Variants in TEX9 observed in about 807,000 individuals in gnomAD.
The protein encoded by TEX9 is testis expressed 9, also known as testis-expressed protein 9.
Under a neutral mutation model 59.6 loss-of-function variants are expected in TEX9, and 74 were observed. The ratio of observed to expected loss-of-function variants is 1.24; its 90% CI spans 1.03 to 1.51. The LOEUF (loss-of-function observed/expected upper bound fraction) is 1.51, where lower values mean the gene tolerates loss of function less well. TEX9 is among the 40% of genes most tolerant of loss of function. The probability of loss-of-function intolerance (pLI) is 0.00; values close to 1 mark genes in which losing one functional copy is unlikely to be tolerated. For missense variants in TEX9, 522 were observed against 447.8 expected (o/e 1.17, Z -1.49); for synonymous variants, 186 against 152.2 (o/e 1.22, Z -1.64).
chr15:56,411,357 A>C (rs1359008234), intron 9 of TEX9, among the ~76,000 whole-genome samples: 1 of 152,036 alleles, frequency 6.6e-6, no homozygotes, highest in Non-Finnish European at 1.5e-5. Flanking sequence ...TTTCAGTACC[A>C]CATAGCAGAT....
At chr15:56,452,541 C>CA in the TEX9 span, among the ~76,000 whole-genome samples, 1 of 145,318 alleles carries the variant, frequency 6.9e-6, no homozygotes, top group Non-Finnish European at 1.5e-5. Flanking sequence ...TTTTTTGAGA[C>CA]AGAGTCTCTC....
chr15:56,315,959 T>C lies in TEX9; in HGVS notation c.-106-57482T>C, dbSNP rs544402402. 2.9e-3 allele frequency among the ~76,000 whole-genome samples: 434 copies of C among 151,828 alleles called. 3 individuals are homozygous for C. The highest frequency in any genetic ancestry group is 0.01 in the African/African-American group (419 of 41,526). On this transcript the variant is annotated intron_variant, in intron 1 of 5. Coordinates refer to the TEX9 transcript ENST00000560827. The stretch of plus-strand genomic sequence containing the variant: ...TGATCGCGTCGGCTCCTGAGGCTTC[T>C]GCATTCTTCACGTAGCTCTCGAGCC...
intron 9 of TEX9, among the ~76,000 whole-genome samples, chr15:56,406,425 T>C (rs2049082618): frequency 6.6e-6 from 1 of 152,190 alleles, no homozygotes; most frequent in Non-Finnish European, 1.5e-5. Flanking sequence ...CATGTACAAG[T>C]ATTCTGTGTG....
intron 6 of TEX9, among the ~76,000 whole-genome samples, chr15:56,390,836 C>T (rs977045318): frequency 6.6e-5 from 10 of 152,014 alleles, no homozygotes; most frequent in Admixed American, 1.3e-4. Flanking sequence ...TCTCTAGAAG[C>T]GTGTAAATTT....
intron 9 of TEX9, among the ~76,000 whole-genome samples, chr15:56,400,260 C>G (rs1023016012): frequency 1.3e-5 from 2 of 152,102 alleles, no homozygotes; most frequent in African/African-American, 4.8e-5. Flanking sequence ...GAATGGCTAA[C>G]TAGAATAAAC....
intron 7 of TEX9, among the ~76,000 whole-genome samples, chr15:56,392,014 A>G (rs1462552144): frequency 6.6e-6 from 1 of 151,982 alleles, no homozygotes; most frequent in Non-Finnish European, 1.5e-5. Flanking sequence ...GGAGCCTCCT[A>G]TGCTATTGAA....
intron 1 of TEX9, among the ~76,000 whole-genome samples, chr15:56,324,620 G>C (rs1567086199): frequency 6.6e-6 from 1 of 152,138 alleles, no homozygotes; most frequent in Non-Finnish European, 1.5e-5. Context: ...CTGCATGAAC[G>C]GACAAAGTAT....
exon 9 of TEX9, chr15:56,394,762 A>G (rs781064641): frequency 6.2e-7 from 1 of 1,613,198 alleles, no homozygotes; most frequent in East Asian, 2.2e-5. Context: ...AAGTAGAAAA[A>G]TACAAAACTC....
intron 1 of TEX9, among the ~76,000 whole-genome samples, chr15:56,316,323 GT>G (rs1157946091): frequency 6.6e-6 from 1 of 152,022 alleles, no homozygotes; most frequent in Admixed American, 6.6e-5. Context: ...GTACAGATGG[GT>G]TTTTGGTGTG....
chr15:56,412,699 T>G (rs1286429266), intron 10 of TEX9, among the ~76,000 whole-genome samples: 2 of 152,190 alleles, frequency 1.3e-5, no homozygotes, highest in South Asian at 2.1e-4. Flanking sequence ...ATATTATATG[T>G]CAGACACTTT....
At chr15:56,303,007 A>G (rs1320442344) in intron 1 of TEX9, among the ~76,000 whole-genome samples, 1 of 152,334 alleles carries the variant, frequency 6.6e-6, no homozygotes, top group East Asian at 1.9e-4. Context: ...ACAACAGGAT[A>G]TAACAATTGT....
At chr15:56,391,345 G>T (rs376599048) in exon 7 of TEX9, 2 of 1,601,446 alleles carry the variant, frequency 1.2e-6, no homozygotes, top group South Asian at 2.3e-5. Flanking sequence ...AAATTGAAGG[G>T]CAACTGGAGG....
chr15:56,438,331 T>C (rs1463110281), intron 12 of TEX9, among the ~76,000 whole-genome samples: 1 of 151,604 alleles, frequency 6.6e-6, no homozygotes, highest in Non-Finnish European at 1.5e-5. Context: ...AACCATCTGC[T>C]CTTTTTTTTT....
chr15:56,456,624 C>G, the TEX9 span: 6 of 1,087,458 alleles, frequency 5.5e-6, no homozygotes, highest in Non-Finnish European at 6.7e-6. Context: ...TTAAGGCCAA[C>G]AATTGATGAT....
chr15:56,391,162 A>G (rs1239533791), intron 6 of TEX9, 81 bp from the exon 7 acceptor site: 2 of 816,704 alleles, frequency 2.4e-6, no homozygotes, highest in African/African-American at 3.6e-5. Flanking sequence ...TTTGGGTAAA[A>G]GGCATATATC....
At chr15:56,247,127 G>A (rs1405918954) in intron 1 of TEX9, among the ~76,000 whole-genome samples, 1 of 152,048 alleles carries the variant, frequency 6.6e-6, no homozygotes, top group African/African-American at 2.4e-5. Context: ...CCATTATATT[G>A]TCTTGCTCTC....
At chr15:56,339,397 A>ACAACAAAC (rs1555434466) in intron 1 of TEX9, among the ~76,000 whole-genome samples, 1 of 61,024 alleles carries the variant, frequency 1.6e-5, no homozygotes, top group Non-Finnish European at 4.7e-5. Flanking sequence ...AAAAAAAAAA[A>ACAACAAAC]AAAAAAAAAA....
chr15:56,276,802 A>G (rs1299369049), intron 1 of TEX9, among the ~76,000 whole-genome samples: 3 of 152,218 alleles, frequency 2.0e-5, no homozygotes, highest in Admixed American at 2.0e-4. Flanking sequence ...CAACAGTGTA[A>G]AAGCGTTCCT....
chr15:56,271,218 C>G (rs1230908070), intron 1 of TEX9, among the ~76,000 whole-genome samples: 1 of 152,134 alleles, frequency 6.6e-6, no homozygotes, highest in African/African-American at 2.4e-5. Context: ...TGGATAATAT[C>G]CTGAAGAGTA....
Sources: allele counts gnomAD v4.1 joint callset (sites outside exome capture counted in the v4.1 genomes callset), GRCh38; gene constraint gnomAD v4.1.1; transcripts MANE v1.5; gene names NCBI Gene and HGNC (gene_info 2026-07-23, HGNC 2026-07-21).